TBL1XR1: variants seen among roughly 807,000 people sequenced by gnomAD.
The protein encoded by TBL1XR1 is F-box-like/WD repeat-containing protein TBL1XR1.
In TBL1XR1, 5 loss-of-function variants were observed where a neutral mutation model predicts 66.9. The observed-to-expected ratio is 0.07, with a 90% confidence interval of 0.04 to 0.16. The LOEUF (loss-of-function observed/expected upper bound fraction) is 0.16. TBL1XR1 is among the 10% of genes least tolerant of loss of function. The pLI is 1.00. For missense variants in TBL1XR1, 238 were observed against 623.2 expected, an observed-to-expected ratio of 0.38 and a Z score of 6.58; for synonymous variants, 210 against 206.0, an observed-to-expected ratio of 1.02 and a Z score of -0.17.
intron 1 of TBL1XR1, among the ~76,000 whole-genome samples, chr3:177,130,642 AC>A (rs962016316): frequency 2.0e-5 from 3 of 152,232 alleles, no homozygotes; most frequent in Non-Finnish European, 2.9e-5. Flanking sequence ...TGCTGTATAC[AC>A]TTTTGTACTT....
chr3:177,151,476 G>C (rs1252779601), intron 1 of TBL1XR1, among the ~76,000 whole-genome samples: 1 of 152,154 alleles, frequency 6.6e-6, no homozygotes, highest in African/African-American at 2.4e-5. Flanking sequence ...ATTGTGAACT[G>C]CACATTTGAG....
chr3:177,056,730 G>T (rs1717845592), intron 3 of TBL1XR1, among the ~76,000 whole-genome samples: 1 of 149,358 alleles, frequency 6.7e-6, no homozygotes, highest in African/African-American at 2.5e-5. Flanking sequence ...ACACCTGAAA[G>T]TCATAGTCAT....
At chr3:177,046,238 A>G in intron 9 of TBL1XR1, 49 bp from the exon 10 acceptor site, 2 of 1,372,598 alleles carry the variant, frequency 1.5e-6, no homozygotes, top group Non-Finnish European at 2.0e-6. Context: ...GAAGTTTAAC[A>G]TACATGTGTA....
chr3:177,115,580 C>G (rs1434549066), intron 1 of TBL1XR1, among the ~76,000 whole-genome samples: 1 of 152,070 alleles, frequency 6.6e-6, no homozygotes, highest in Non-Finnish European at 1.5e-5. Context: ...ATGCTGCCTA[C>G]TGACCCCCCT....
At chr3:177,118,424 G>A (rs757462333) in intron 1 of TBL1XR1, among the ~76,000 whole-genome samples, 10 of 151,930 alleles carry the variant, frequency 6.6e-5, no homozygotes, top group Middle Eastern at 3.2e-3. Context: ...GTGTGACCAC[G>A]GTATTTTTAT....
At chr3:177,170,743 T>A (rs909722814) in intron 1 of TBL1XR1, among the ~76,000 whole-genome samples, 3 of 152,142 alleles carry the variant, frequency 2.0e-5, no homozygotes, top group Non-Finnish European at 4.4e-5. Flanking sequence ...TACCTGGGAA[T>A]ACAGGCATGC....
chr3:177,115,810 C>G (rs1166821053), intron 1 of TBL1XR1, among the ~76,000 whole-genome samples: 2 of 152,142 alleles, frequency 1.3e-5, no homozygotes, highest in African/African-American at 2.4e-5. Context: ...TCTTCAGATG[C>G]CTTCAGCCTC....
rs1054570802 is a variant in TBL1XR1, at chr3:177,074,911, C to T, written c.-45-9889G>A. ...GTGAAGGTGAACACCATGCACAACA[C>T]GGTTTAGGAATTTGTGGTTTATCCA... On this transcript the variant is annotated intron_variant, in intron 2 of 15. Transcript: ENST00000457928. Among the ~76,000 whole-genome samples the T allele has an allele frequency of 9.2e-5, 14 of 152,102 alleles. No homozygotes were observed. In the South Asian group the frequency reaches 2.7e-3, roughly 29 times the overall value.
At chr3:177,038,238 A>G in intron 11 of TBL1XR1, 66 bp from the exon 12 acceptor site, 19 of 1,599,724 alleles carry the variant, frequency 1.2e-5, no homozygotes, top group Non-Finnish European at 1.6e-5. Context: ...AATATTAAAC[A>G]TACATACTTT....
chr3:177,082,400 T>C (rs895459274), intron 2 of TBL1XR1, among the ~76,000 whole-genome samples: 3 of 151,954 alleles, frequency 2.0e-5, no homozygotes, highest in Admixed American at 6.6e-5. Context: ...ATGAAATAAA[T>C]TTAAAAATCT....
intron 1 of TBL1XR1, among the ~76,000 whole-genome samples, chr3:177,184,978 G>C (rs901499154): frequency 6.6e-6 from 1 of 152,130 alleles, no homozygotes; most frequent in Non-Finnish European, 1.5e-5. Flanking sequence ...GAAAAGCACA[G>C]GAGAAATTAA....
At chr3:177,175,940 C>T (rs1179383000) in intron 1 of TBL1XR1, among the ~76,000 whole-genome samples, 1 of 151,238 alleles carries the variant, frequency 6.6e-6, no homozygotes, top group African/African-American at 2.4e-5. Context: ...GCCTGTAGTC[C>T]CAGCTACTCA....
At chr3:177,056,468 G>C (rs569059964) in intron 3 of TBL1XR1, among the ~76,000 whole-genome samples, 3 of 152,216 alleles carry the variant, frequency 2.0e-5, no homozygotes, top group Non-Finnish European at 4.4e-5. Flanking sequence ...GATGTACTTA[G>C]GATGCTCTCA....
At chr3:177,179,416 C>T (rs890134949) in intron 1 of TBL1XR1, among the ~76,000 whole-genome samples, 1 of 152,144 alleles carries the variant, frequency 6.6e-6, no homozygotes. Context: ...GAGCCTATTC[C>T]GGATACAGAC....
At chr3:177,141,771 C>A (rs1054219964) in intron 1 of TBL1XR1, among the ~76,000 whole-genome samples, 1 of 152,212 alleles carries the variant, frequency 6.6e-6, no homozygotes. Flanking sequence ...GTGTTCACAG[C>A]AGCACTATTC....
chr3:177,196,013 AC>A, intron 1 of TBL1XR1, among the ~76,000 whole-genome samples: 1 of 152,140 alleles, frequency 6.6e-6, no homozygotes, highest in Non-Finnish European at 1.5e-5. Flanking sequence ...CACTTAGATA[AC>A]CTAACAAAGA....
intron 2 of TBL1XR1, among the ~76,000 whole-genome samples, chr3:177,097,855 T>C (rs1031579736): frequency 6.6e-6 from 1 of 152,126 alleles, no homozygotes; most frequent in African/African-American, 2.4e-5. Flanking sequence ...ACCATCACGA[T>C]ATAACAATAT....
At position 177,032,974 on chromosome 3, in the gene TBL1XR1, C is replaced by T. The variant is rs768492558; in HGVS notation, c.1413G>A (p.Thr471=). 2.9e-5 allele frequency: 46 copies of T among 1,573,106 alleles called. No homozygotes were observed. Among genetic ancestry groups the T allele is most frequent in the Non-Finnish European group, 3.5e-5 (41 of 1,157,870 alleles). ...SFDKCVHIWN[T]QTGALVHSYR... ...CATTTAAATAATGAAGACATACCTG[C>T]GTGTTCCAGATGTGTACACATTTGT... is the stretch of plus-strand genomic sequence containing the variant. Residue 471 remains threonine, a synonymous_variant, in exon 14 of 16, where the codon ACG becomes ACA. Coordinates refer to ENST00000457928, the MANE Select transcript of TBL1XR1 (RefSeq NM_024665.7).
At chr3:177,130,508 G>C (rs1728173056) in intron 1 of TBL1XR1, among the ~76,000 whole-genome samples, 1 of 152,168 alleles carries the variant, frequency 6.6e-6, no homozygotes, top group Non-Finnish European at 1.5e-5. Context: ...TTGGGAGACA[G>C]CATATTACGT....
Sources: gnomAD v4.1 joint callset for allele counts (sites outside exome capture counted in the v4.1 genomes callset) on GRCh38, gnomAD v4.1.1 for gene constraint, MANE v1.5 for transcripts, NCBI Gene and HGNC (gene_info 2026-07-23, HGNC 2026-07-21) for gene names.